The following MRAP variants were observed in gnomAD, a reference collection of about 807,000 sequenced individuals.
The protein encoded by MRAP is melanocortin-2 receptor accessory protein.
MRAP carries 8 observed loss-of-function variants against 8.7 expected under a neutral mutation model. That is an observed-to-expected ratio of 0.92 (90% CI 0.54 to 1.66). The LOEUF is 1.66. MRAP is among the 40% of genes most tolerant of loss of function. The pLI is 0.00. For missense variants in MRAP, 237 were observed against 217.1 expected, an observed-to-expected ratio of 1.09 and a Z score of -0.58; for synonymous variants, 95 against 95.5, an observed-to-expected ratio of 1.00 and a Z score of 0.03.
At chr21:32,304,624 AAAC>A (rs1395227798) in intron 1 of MRAP, among the ~76,000 whole-genome samples, 4 of 134,776 alleles carry the variant, frequency 3.0e-5, no homozygotes, top group Non-Finnish European at 6.3e-5. Context: ...AAACAAAAAA[AAAC>A]AAACAAAAAA....
chr21:32,304,626 A>AC (rs1334808540), intron 1 of MRAP, among the ~76,000 whole-genome samples: 1 of 134,680 alleles, frequency 7.4e-6, no homozygotes, highest in East Asian at 2.1e-4. Flanking sequence ...ACAAAAAAAA[A>AC]CAAACAAAAA....
chr21:32,309,974 A>G (rs1303474225), intron 2 of MRAP, among the ~76,000 whole-genome samples: 1 of 151,990 alleles, frequency 6.6e-6, no homozygotes, highest in African/African-American at 2.4e-5. Context: ...CTCACATTCA[A>G]TTTAAGCACA....
intron 1 of MRAP, among the ~76,000 whole-genome samples, chr21:32,299,653 TTTC>T (rs754522353): frequency 4.6e-5 from 7 of 152,176 alleles, no homozygotes; most frequent in Non-Finnish European, 1.0e-4. Flanking sequence ...TAAAGATAGA[TTTC>T]TTGTTTAATT....
At chr21:32,314,766 C>T (rs113597325), downstream of MRAP, 63 of 1,434,044 alleles carry the variant, frequency 4.4e-5, no homozygotes, top group African/African-American at 8.1e-4. Context: ...ATAAAGTCCT[C>T]TCAACTTTTC....
chr21:32,303,937 A>G (rs2032344005), intron 1 of MRAP, among the ~76,000 whole-genome samples: 1 of 152,234 alleles, frequency 6.6e-6, no homozygotes, highest in Non-Finnish European at 1.5e-5. Flanking sequence ...CTCCACTTAT[A>G]TGAAGACACT....
chr21:32,293,461 T>C (rs2032086597), intron 2 of MRAP, among the ~76,000 whole-genome samples: 1 of 152,224 alleles, frequency 6.6e-6, no homozygotes, highest in Non-Finnish European at 1.5e-5. Flanking sequence ...TCAGGGGTAC[T>C]GGAAACAGCA....
intron 2 of MRAP, chr21:32,308,858 G>A (rs146866885): frequency 0.012 from 1,881 of 152,570 alleles, 16 homozygotes; most frequent in Non-Finnish European, 0.019. Flanking sequence ...TGTCCATTAC[G>A]GACGGAAGTC....
At chr21:32,304,233 T>C (rs979218603) in intron 1 of MRAP, among the ~76,000 whole-genome samples, 2 of 152,232 alleles carry the variant, frequency 1.3e-5, no homozygotes, top group Admixed American at 6.5e-5. Context: ...ACTGTAAGGG[T>C]TGTAAAATAG....
chr21:32,299,204 G>A (rs2123496759), intron 1 of MRAP, 127 bp downstream of exon 1: 1 of 743,308 alleles, frequency 1.3e-6, no homozygotes, highest in East Asian at 2.7e-5. Flanking sequence ...GCAGGAATGT[G>A]GCCAGTTCAC....
intron 2 of MRAP, among the ~76,000 whole-genome samples, chr21:32,309,398 G>C (rs1191433515): frequency 4.0e-5 from 6 of 151,756 alleles, no homozygotes; most frequent in Non-Finnish European, 8.8e-5. Flanking sequence ...GGCCATTTCC[G>C]CTCACCTTTG....
chr21:32,300,913 CTA>C (rs558831219), intron 1 of MRAP, among the ~76,000 whole-genome samples: 101 of 151,948 alleles, frequency 6.6e-4, no homozygotes, highest in Admixed American at 1.0e-3. Flanking sequence ...CGTCATGTGT[CTA>C]TGTGTCATGA....
Position 32,306,733 on chromosome 21 carries a change from A to C in MRAP, c.200A>C (p.Gln67Pro). 2 of 1,613,894 alleles carry C rather than the reference A, an allele frequency of 1.2e-6. No homozygotes were observed. Among genetic ancestry groups the C allele is most frequent in the South Asian group, 2.2e-5 (2 of 91,076 alleles). ...TACATGTCCTGGTCCGCCTCCCCGC[A>C]GATGAGGTGGGTAAGAAGGGGTGTG... ...LLYMSWSASP[Q>P]MRNSPKHHQT... Residue 67 changes from glutamine to proline, a missense_variant, in exon 2 of 3, where the codon CAG becomes CCG. Coordinates refer to ENST00000303645, the MANE Select transcript of MRAP (RefSeq NM_001379228.1).
At chr21:32,294,060 G>A (rs1484500369), upstream of MRAP, among the ~76,000 whole-genome samples, 1 of 152,082 alleles carries the variant, frequency 6.6e-6, no homozygotes, top group Non-Finnish European at 1.5e-5. Flanking sequence ...GAAAATGTAG[G>A]AAGGTCTTTT....
chr21:32,311,861 C>G lies in MRAP; in HGVS notation c.384C>G (p.Ser128=), dbSNP rs766760000. Residue 128 remains serine (S), a synonymous_variant, in exon 3 of 3, where the codon TCC becomes TCG. Coordinates refer to ENST00000303645, the MANE Select transcript of MRAP (RefSeq NM_001379228.1). ...ACCAGCCGCTACGACAGGAGAGCTC[C>G]TCCACCTTGCCCCTCGGGGGTTTCC... ...GPDQPLRQES[S]STLPLGGFQT... The G allele has an allele frequency of 6.2e-7, 1 of 1,614,162 alleles. No individual in the cohort carries two copies. Among genetic ancestry groups the G allele is most frequent in the East Asian group, 2.2e-5 (1 of 44,880 alleles).
chr21:32,308,620 G>C (rs1212148984), intron 2 of MRAP: 1 of 152,652 alleles, frequency 6.6e-6, no homozygotes, highest in Admixed American at 6.5e-5. Flanking sequence ...CCTAATGACT[G>C]TTCTTAGGAG....
At position 32,299,078 on chromosome 21, in the gene MRAP, GT is replaced by G; in HGVS notation, c.106+2del. Reference sequence around the variant, plus strand: ...GAGAAGAAGCTGAAAGCCCACAAACGTAAGTCTGAACTAGGGAAGCCGGTCA... The same window carrying G: ...GAGAAGAAGCTGAAAGCCCACAAACGAAGTCTGAACTAGGGAAGCCGGTCA... On this transcript the variant is annotated splice_donor_variant, in intron 1 of 2. Coordinates refer to ENST00000303645, the MANE Select transcript of MRAP (RefSeq NM_001379228.1). LOFTEE classifies it high-confidence loss of function. 1 of 1,612,992 alleles carries G rather than the reference GT, an allele frequency of 6.2e-7. No homozygotes were observed. Among genetic ancestry groups the G allele is most frequent in the Non-Finnish European group, 8.5e-7 (1 of 1,179,096 alleles).
At chr21:32,306,394 C>T (rs1409994168) in intron 1 of MRAP, 5 of 526,810 alleles carry the variant, frequency 9.5e-6, no homozygotes, top group Non-Finnish European at 1.7e-5. Flanking sequence ...AGTGTTTCCT[C>T]TTAACAATCA....
At chr21:32,312,589 G>A (rs115705647), downstream of MRAP, 2,716 of 164,724 alleles carry the variant, frequency 0.016, 82 homozygotes, top group African/African-American at 0.061. Flanking sequence ...CAGCCAGGCC[G>A]GGTAAGCAGG....
intron 1 of MRAP, among the ~76,000 whole-genome samples, chr21:32,299,366 G>C (rs528873870): frequency 6.6e-6 from 1 of 152,162 alleles, no homozygotes; most frequent in Non-Finnish European, 1.5e-5. Context: ...ATAGGGTCTA[G>C]CTCTGTTGCC....
Sources: gnomAD v4.1 joint callset for allele counts (sites outside exome capture counted in the v4.1 genomes callset) on GRCh38, gnomAD v4.1.1 for gene constraint, MANE v1.5 for transcripts, NCBI Gene and HGNC (gene_info 2026-07-23, HGNC 2026-07-21) for gene names.